PCDHA6: variants seen among roughly 807,000 people sequenced by gnomAD.
PCDHA6 encodes protocadherin alpha 6.
In PCDHA6, 55 loss-of-function variants were observed where a neutral mutation model predicts 60.3. The ratio of observed to expected loss-of-function variants is 0.91; its 90% confidence interval spans 0.73 to 1.14. The LOEUF (loss-of-function observed/expected upper bound fraction) is 1.14. PCDHA6 is among the 50% of genes most tolerant of loss of function. PCDHA6 has a pLI of 0.00. For missense variants in PCDHA6, 1,327 were observed against 1,256.5 expected, an observed-to-expected ratio of 1.06 and a Z score of -0.85; for synonymous variants, 652 against 557.9, an observed-to-expected ratio of 1.17 and a Z score of -2.38.
At chr5:140,834,761 T>G (rs1265880924) in intron 1 of PCDHA6, 6 of 1,613,900 alleles carry the variant, frequency 3.7e-6, no homozygotes, top group Non-Finnish European at 5.1e-6. Flanking sequence ...TGAAGGACAT[T>G]AACGACAACC....
chr5:140,843,007 G>A, intron 1 of PCDHA6: 1 of 1,594,980 alleles, frequency 6.3e-7, no homozygotes, highest in Non-Finnish European at 8.6e-7. Context: ...ATGACAACGC[G>A]CCGGCACTGC....
At chr5:140,926,703 C>A in intron 1 of PCDHA6, 2 of 835,416 alleles carry the variant, frequency 2.4e-6, no homozygotes, top group Non-Finnish European at 3.4e-6. Context: ...CGGCTCCCAG[C>A]TGGCCAGCCC....
At chr5:140,834,528 G>A (rs2150220380) in intron 1 of PCDHA6, 2 of 1,614,086 alleles carry the variant, frequency 1.2e-6, no homozygotes, top group Non-Finnish European at 8.5e-7. Context: ...GGGCCGCATC[G>A]CGCAGGACCT....
chr5:140,895,413 C>T (rs141941836), intron 1 of PCDHA6, among the ~76,000 whole-genome samples: 52 of 152,240 alleles, frequency 3.4e-4, no homozygotes, highest in African/African-American at 1.0e-3. Flanking sequence ...GCCCCATAAC[C>T]TTCTTTTGCT....
chr5:140,861,353 T>C lies in PCDHA6; in HGVS notation c.2394+30868T>C, dbSNP rs79040493. The C allele has an allele frequency of 1.3e-3, 424 of 327,094 alleles. 1 individual carries two copies. Among genetic ancestry groups the C allele is most frequent in the African/African-American group, 8.5e-3 (393 of 46,466 alleles). The allele number at this position is 327,094 out of a possible 1,614,324, so 20.3% of individuals were successfully genotyped here. On this transcript the variant is annotated intron_variant, in intron 1 of 3. Coordinates refer to ENST00000529310, the MANE Select transcript of PCDHA6 (RefSeq NM_018909.4). ...CCTGGAAGAGGCCAAGGACGGCACA[T>C]AGCGTCTTCGCGGTCCCTATTGCGC...
At chr5:140,851,973 C>A in intron 1 of PCDHA6, 1 of 976,422 alleles carries the variant, frequency 1.0e-6, no homozygotes, top group African/African-American at 1.8e-5. Flanking sequence ...CCACACTCTA[C>A]CTTTAGTGCA....
intron 1 of PCDHA6, chr5:140,871,330 G>A: frequency 1.9e-6 from 3 of 1,614,116 alleles, no homozygotes; most frequent in South Asian, 1.1e-5. Flanking sequence ...GTGCTCCCGC[G>A]CGGTGGGGAG....
At chr5:140,953,398 C>G (rs1247752047) in intron 1 of PCDHA6, among the ~76,000 whole-genome samples, 9 of 152,150 alleles carry the variant, frequency 5.9e-5, no homozygotes, top group Non-Finnish European at 7.3e-5. Flanking sequence ...GATTACAGTG[C>G]TGTTGCTCCT....
At chr5:140,973,089 T>G (rs534319830) in intron 1 of PCDHA6, among the ~76,000 whole-genome samples, 2 of 152,308 alleles carry the variant, frequency 1.3e-5, no homozygotes, top group East Asian at 3.9e-4. Flanking sequence ...TGGCACAACA[T>G]GTAGAAATTA....
intron 1 of PCDHA6, chr5:140,870,054 T>G (rs895309313): frequency 1.2e-6 from 2 of 1,613,676 alleles, no homozygotes; most frequent in Non-Finnish European, 8.5e-7. Context: ...TTTATAAAAT[T>G]GAAGTACAGG....
intron 1 of PCDHA6, chr5:140,869,731 T>C (rs1554163388): frequency 6.2e-7 from 1 of 1,613,416 alleles, no homozygotes. Flanking sequence ...GGAACTTAAT[T>C]TGCTGCTAAC....
intron 1 of PCDHA6, among the ~76,000 whole-genome samples, chr5:140,947,509 T>C (rs1358803536): frequency 2.6e-5 from 4 of 151,722 alleles, no homozygotes; most frequent in Non-Finnish European, 4.4e-5. Flanking sequence ...AATTTTCATA[T>C]AAATTTTAGA....
rs192388233 is a variant in PCDHA6 at position 140,869,206 on chromosome 5, G to C, written c.2394+38721G>C. 4,858 of 1,613,972 alleles carry C rather than the reference G, an allele frequency of 3.0e-3. 14 individuals carry two copies. The highest frequency in any genetic ancestry group is 3.0e-3 in the Non-Finnish European group (3,497 of 1,179,950). On this transcript the variant is annotated intron_variant, in intron 1 of 3. Transcript: ENST00000529310. ...GGGGAGCGGCCAGCTCCACTACTCC[G>C]TCTCGGAGGAGGCCAAACACGGCAC...
At chr5:140,898,233 C>T (rs2066607638) in intron 1 of PCDHA6, among the ~76,000 whole-genome samples, 1 of 152,126 alleles carries the variant, frequency 6.6e-6, no homozygotes, top group African/African-American at 2.4e-5. Flanking sequence ...GTTGCCATTG[C>T]TTTTGGTGTT....
intron 1 of PCDHA6, chr5:140,867,456 T>C (rs1035822606): frequency 1.3e-5 from 2 of 152,154 alleles, no homozygotes; most frequent in African/African-American, 4.8e-5. Context: ...AGAGTTCTAG[T>C]GTTATGACAA....
rs782446287 is a variant in PCDHA6, at chr5:140,870,927, T to A, written c.2394+40442T>A. The A allele has an allele frequency of 1.9e-6, 3 of 1,613,762 alleles. No homozygotes were observed. The African/African-American group carries it at 4.0e-5, about 22-fold the overall frequency. ...CAGGCTACAACGCGTGGCTTTCATA[T>A]GAATTGCAGCCGGCGGCGGGCGGCT... is the stretch of plus-strand genomic sequence containing the variant. On this transcript the variant is annotated intron_variant, in intron 1 of 3. Transcript: ENST00000529310.
Position 140,828,176 on chromosome 5 carries a change from G to A in PCDHA6, c.85G>A (p.Gly29Ser), listed in dbSNP as rs2150151842. The change falls in exon 1 of 4, where the codon GGC becomes AGC. Residue 29 changes from glycine to serine, a missense_variant. Gly to Ser is a moderately conservative substitution (Grantham distance 56). Transcript: ENST00000529310. ...LLLAAWKVGSGQLHYSVPEEA... is the reference protein window; with the variant it reads ...LLLAAWKVGSSQLHYSVPEEA... ...CCTCGCAGCCTGGAAGGTGGGGAGC[G>A]GCCAGCTCCACTACTCCGTACCCGA... is the stretch of plus-strand genomic sequence containing the variant. The A allele has an allele frequency of 3.1e-6, 5 of 1,614,128 alleles. No homozygotes were observed. The highest frequency in any genetic ancestry group is 3.4e-6 in the Non-Finnish European group (4 of 1,180,038).
intron 3 of PCDHA6, among the ~76,000 whole-genome samples, chr5:140,987,196 AGAGT>A (rs2097234784): frequency 6.6e-6 from 1 of 151,568 alleles, no homozygotes; most frequent in Non-Finnish European, 1.5e-5. Flanking sequence ...CCTGGGTGAC[AGAGT>A]GAGACTCCAT....
At chr5:140,997,673 TG>T (rs1554255971) in intron 3 of PCDHA6, among the ~76,000 whole-genome samples, 41 of 149,136 alleles carry the variant, frequency 2.7e-4, no homozygotes, top group African/African-American at 9.9e-4. Context: ...ACAGCTTGTG[TG>T]TGTGTGTGTG....
Sources: allele counts gnomAD v4.1 joint callset (sites outside exome capture counted in the v4.1 genomes callset), GRCh38; gene constraint gnomAD v4.1.1; transcripts MANE v1.5; gene names NCBI Gene and HGNC (gene_info 2026-07-23, HGNC 2026-07-21).